SLC9A3: variants seen among roughly 807,000 people sequenced by gnomAD.
SLC9A3 encodes sodium/hydrogen exchanger 3.
A neutral mutation model predicts 86.8 loss-of-function variants in SLC9A3; 37 were observed. The ratio of observed to expected loss-of-function variants is 0.43; its 90% confidence interval spans 0.33 to 0.56. The LOEUF is 0.56. SLC9A3 is among the 20% of genes least tolerant of loss of function. The probability of loss-of-function intolerance (pLI) is 0.06; values close to 1 mark genes in which losing one functional copy is unlikely to be tolerated. For missense variants in SLC9A3, 1,011 were observed against 1,171.9 expected, an observed-to-expected ratio of 0.86 and a Z score of 2.00; for synonymous variants, 581 against 528.3, an observed-to-expected ratio of 1.10 and a Z score of -1.37.
At position 488,365 on chromosome 5, in the gene SLC9A3, A is replaced by C; in HGVS notation, c.626T>G (p.Leu209Arg). 1 of 1,612,714 alleles carries C rather than the reference A, an allele frequency of 6.2e-7. No individual in the cohort carries two copies. The highest frequency in any genetic ancestry group is 1.1e-5 in the South Asian group (1 of 91,086). The change falls in exon 3 of 17, where the codon CTG (leucine) becomes CGG (arginine). Residue 209 changes from leucine (L) to arginine (R), a missense_variant. This residue lies in a region of SLC9A3 where 565 missense variants were observed against 790.0 expected (regional missense o/e 0.72). Transcript: ENST00000264938. ...CGACTCCCCGAAGACGATGATGAAC[A>C]GGACCTCGTTGACATGGACCTCCTC... Reference protein sequence around the residue: ...VFEEVHVNEVLFIIVFGESLL... With the variant: ...VFEEVHVNEVRFIIVFGESLL...
intron 1 of SLC9A3, among the ~76,000 whole-genome samples, chr5:512,714 G>T (rs1016119850): frequency 3.9e-5 from 6 of 152,154 alleles, no homozygotes; most frequent in African/African-American, 1.4e-4. Context: ...CGAAGCTGTT[G>T]GGGGGGCACT....
At chr5:475,380 C>T (rs1032682059) in intron 15 of SLC9A3, 181 bp downstream of exon 15, 17 of 618,834 alleles carry the variant, frequency 2.7e-5, no homozygotes, top group East Asian at 5.5e-5. Flanking sequence ...CACGTCTCCC[C>T]GGACAGCAGC....
chr5:486,288 G>T (rs572616595), intron 3 of SLC9A3, among the ~76,000 whole-genome samples: 1 of 152,182 alleles, frequency 6.6e-6, no homozygotes, highest in Non-Finnish European at 1.5e-5. Flanking sequence ...TGTCGGGGCC[G>T]GGCCCAGGGC....
intron 1 of SLC9A3, among the ~76,000 whole-genome samples, chr5:511,650 C>T (rs1273570996): frequency 3.9e-5 from 6 of 152,238 alleles, no homozygotes; most frequent in Admixed American, 6.5e-5. Context: ...CGAAGGCTGG[C>T]GAGGATGTGG....
chr5:513,675 G>A (rs778091472), intron 1 of SLC9A3, among the ~76,000 whole-genome samples: 40 of 152,176 alleles, frequency 2.6e-4, no homozygotes, highest in African/African-American at 9.2e-4. Context: ...TGGGACACAC[G>A]TGCTCCTCAG....
chr5:484,776 A>G, intron 4 of SLC9A3, 79 bp from the exon 5 acceptor site: 1 of 1,415,250 alleles, frequency 7.1e-7, no homozygotes. Flanking sequence ...GACCCCGCGG[A>G]AGTGCCGGGA....
intron 1 of SLC9A3, among the ~76,000 whole-genome samples, chr5:493,893 G>A (rs550418800): frequency 2.6e-5 from 4 of 152,384 alleles, no homozygotes; most frequent in African/African-American, 9.6e-5. Flanking sequence ...AGCGGGGGTT[G>A]GCCCGGGGAG....
At chr5:486,798 G>A (rs765008008) in intron 3 of SLC9A3, among the ~76,000 whole-genome samples, 8 of 152,174 alleles carry the variant, frequency 5.3e-5, no homozygotes, top group Admixed American at 3.3e-4. Context: ...GTGAGGACAC[G>A]GGAAGGCACC....
Position 473,379 on chromosome 5 carries a change from T to C in SLC9A3, c.2505A>G (p.Ter835TrpextTer189). ...GGTTAGCGGCGTGTCGGAGCCGGTG[T>C]CACCTGCGGGAGAGGAAGGCGTGAG... is the stretch of plus-strand genomic sequence containing the variant. ...PAALPESTHM[*>W] The change falls in exon 17 of 17, where the codon TGA becomes TGG. Residue 835 changes from the stop codon to tryptophan, a stop_lost. Transcript: ENST00000264938. The C allele has an allele frequency of 7.1e-7, 1 of 1,414,294 alleles. No homozygotes were observed. Among genetic ancestry groups the C allele is most frequent in the Non-Finnish European group, 9.3e-7 (1 of 1,076,768 alleles). 87.6% of individuals were successfully genotyped at this position (1,414,294 alleles called of 1,614,324 possible). A position where few individuals can be genotyped will look rare whatever the true frequency, so the allele number is the denominator to read the frequency against.
At chr5:492,660 G>GGC (rs974289433) in intron 1 of SLC9A3, among the ~76,000 whole-genome samples, 6 of 114,550 alleles carry the variant, frequency 5.2e-5, no homozygotes, top group African/African-American at 2.0e-4. Context: ...GACGGTGGTC[G>GGC]GGGGGGGGCC....
rs1201969979 is a variant in SLC9A3 at position 475,600 on chromosome 5, C to T, written c.2212G>A (p.Ala738Thr). The change falls in exon 15 of 17, where the codon GCT becomes ACT. Residue 738 changes from alanine (A) to threonine (T), a missense_variant. By Grantham distance (58) the Ala-to-Thr change is moderately conservative (BLOSUM62 0). Coordinates refer to ENST00000264938, the MANE Select transcript of SLC9A3 (RefSeq NM_004174.4). ...GACGCTGTGTCCTTGGTGACACTAG[C>T]CAGGAACTCGATCCCCCCACTCATC... is the stretch of plus-strand genomic sequence containing the variant. ...EEMSGGIEFL[A>T]SVTKDTASDS... 2 of 1,552,580 alleles carry T rather than the reference C, an allele frequency of 1.3e-6. No homozygotes were observed. Among genetic ancestry groups the T allele is most frequent in the South Asian group, 1.2e-5 (1 of 84,156 alleles).
In SLC9A3 at chr5:496,166, T is replaced by C. The variant is rs147161119; in HGVS notation, c.212-4095A>G. On this transcript the variant is annotated intron_variant, in intron 1 of 16. Transcript: ENST00000264938. This position sits in a 1 kb window ranked among gnomAD's most constrained non-coding sequence, Gnocchi z 4.7. ...GCCGCATAGGTGGGAGGGCGGCGGT[T>C]TGGAACATTCTGCCATCCGGGGTTG... 6.6e-6 allele frequency among the ~76,000 whole-genome samples: 1 copy of C among 152,336 alleles called. No homozygotes were observed. Among genetic ancestry groups the C allele is most frequent in the Non-Finnish European group, 1.5e-5 (1 of 68,026 alleles).
At chr5:506,240 T>C (rs777987035) in intron 1 of SLC9A3, among the ~76,000 whole-genome samples, 6 of 152,144 alleles carry the variant, frequency 3.9e-5, no homozygotes, top group Middle Eastern at 3.4e-3. Flanking sequence ...GTTGGGAGGA[T>C]TGATTCTTGA....
At position 491,385 on chromosome 5, in the gene SLC9A3, A is replaced by C. The variant is rs1739731312; in HGVS notation, c.514+384T>G. Among the ~76,000 whole-genome samples, 1 of 152,146 alleles carries C rather than the reference A, an allele frequency of 6.6e-6. No homozygotes were observed. Among genetic ancestry groups the C allele is most frequent in the African/African-American group, 2.4e-5 (1 of 41,440 alleles). ...AGCGGTGGCCGAGCGGCTCCGGCAC[A>C]CAGGCTGGGAGGGACGGTGCCCGAT... On this transcript the variant is annotated intron_variant, in intron 2 of 16. Transcript: ENST00000264938. The surrounding 1 kb of genome is among the most constrained non-coding windows in gnomAD (Gnocchi z 9.2).
chr5:524,041 C>G, intron 1 of SLC9A3, 71 bp downstream of exon 1: 1 of 1,087,354 alleles, frequency 9.2e-7, no homozygotes, highest in Non-Finnish European at 1.2e-6. Context: ...GCGGCCACAA[C>G]GAAGCCCCCA....
intron 1 of SLC9A3, among the ~76,000 whole-genome samples, chr5:515,509 G>T (rs989234166): frequency 1.3e-5 from 2 of 152,054 alleles, no homozygotes; most frequent in African/African-American, 2.4e-5. Flanking sequence ...AGAACAGGGA[G>T]CCCAGAGCTC....
intron 1 of SLC9A3, among the ~76,000 whole-genome samples, chr5:517,939 A>G (rs1251237634): frequency 6.6e-6 from 1 of 151,880 alleles, no homozygotes; most frequent in Non-Finnish European, 1.5e-5. Context: ...CCATTCATCC[A>G]TTCGCTCATC....
intron 1 of SLC9A3, among the ~76,000 whole-genome samples, chr5:509,389 G>A (rs953386827): frequency 3.3e-5 from 5 of 151,846 alleles, no homozygotes; most frequent in African/African-American, 4.8e-5. Flanking sequence ...AAGAGGTGGA[G>A]GCTGCAGTGA....
intron 16 of SLC9A3, among the ~76,000 whole-genome samples, chr5:474,017 A>G (rs977160808): frequency 7.9e-5 from 12 of 152,220 alleles, no homozygotes; most frequent in African/African-American, 2.7e-4. Flanking sequence ...CAGAGACGCC[A>G]GAGTATCTCT....
Sources: gnomAD v4.1 joint callset for allele counts (sites outside exome capture counted in the v4.1 genomes callset) on GRCh38, gnomAD v4.1.1 for gene constraint, gnomAD v4.1.1 regional missense constraint, Gnocchi (gnomAD v3.1) non-coding constraint, MANE v1.5 for transcripts, NCBI Gene and HGNC (gene_info 2026-07-23, HGNC 2026-07-21) for gene names.